Variants in NRG2 observed in about 807,000 individuals in gnomAD.
NRG2 encodes pro-neuregulin-2, membrane-bound isoform.
NRG2 carries 27 observed loss-of-function variants against 73.9 expected under a neutral mutation model. The observed-to-expected ratio is 0.37, with a 90% CI of 0.27 to 0.50. The LOEUF (loss-of-function observed/expected upper bound fraction) is 0.50. Ranked by LOEUF, NRG2 falls within the 20% of genes least tolerant of loss-of-function variation. The probability of loss-of-function intolerance (pLI) is 0.96; values close to 1 mark genes in which losing one functional copy is unlikely to be tolerated. For synonymous variants in NRG2, 532 were observed against 541.0 expected (o/e 0.98, Z 0.23); for missense variants, 1,126 against 1,210.1 (o/e 0.93, Z 1.03).
chr5:139,848,082 C>G lies in NRG2; in HGVS notation c.2388G>C (p.Leu796=), dbSNP rs1191376708. ...GALAAESTPF[L]GLRGAHDALR... is the part of the protein sequence containing the mutation. ...GCGCGTCGTGCGCCCCACGCAGGCC[C>G]AGGAAAGGTGTGCTCTCGGCCGCCA... Residue 796 remains leucine (L), a synonymous_variant, in exon 10 of 10, where the codon CTG becomes CTC. Transcript: ENST00000361474. 6.7e-7 allele frequency: 1 copy of G among 1,494,210 alleles called. No individual in the cohort carries two copies. Among genetic ancestry groups the G allele is most frequent in the African/African-American group, 1.5e-5 (1 of 68,558 alleles). The allele number at this position is 1,494,210 out of a possible 1,614,324, so 92.6% of individuals were successfully genotyped here.
chr5:139,937,080 G>A (rs1752905679), intron 1 of NRG2, among the ~76,000 whole-genome samples: 1 of 152,222 alleles, frequency 6.6e-6, no homozygotes, highest in Admixed American at 6.5e-5. Context: ...GGGATTGCAG[G>A]CGTGAGCCAC....
intron 1 of NRG2, among the ~76,000 whole-genome samples, chr5:139,921,873 G>A (rs1171412188): frequency 6.6e-6 from 1 of 151,930 alleles, no homozygotes. Context: ...ACCAGCCTGG[G>A]CAACAGAGCG....
In NRG2 at chr5:140,011,912, T is replaced by C. The variant is rs540625285; in HGVS notation, c.700+30458A>G. Among the ~76,000 whole-genome samples, 4 of 152,354 alleles carry C rather than the reference T, an allele frequency of 2.6e-5. No homozygotes were observed. In the South Asian group the frequency reaches 8.3e-4, roughly 32 times the overall value. On this transcript the variant is annotated intron_variant, in intron 1 of 9. Transcript: ENST00000361474. ...CATTAATCTATTAAACATTTCTTAA[T>C]ACTTTCTTCTCCCCTAGTCCATCTA...
intron 1 of NRG2, among the ~76,000 whole-genome samples, chr5:139,899,202 C>A (rs895656749): frequency 6.6e-6 from 1 of 152,196 alleles, no homozygotes; most frequent in African/African-American, 2.4e-5. Context: ...GGGCTCTGCT[C>A]CAGGAGGCTG....
chr5:139,873,790 A>G (rs1328227940), intron 3 of NRG2, among the ~76,000 whole-genome samples: 1 of 152,198 alleles, frequency 6.6e-6, no homozygotes, highest in East Asian at 1.9e-4. Flanking sequence ...AGCAGGGAGG[A>G]TGCTGGGTTG....
intron 1 of NRG2, among the ~76,000 whole-genome samples, chr5:140,041,805 C>T (rs1761941819): frequency 6.6e-6 from 1 of 152,082 alleles, no homozygotes. Context: ...AGAAAAAGTC[C>T]AACTCTGCCT....
At position 139,890,457 on chromosome 5, in the gene NRG2, C is replaced by CT. The variant is rs1320556469; in HGVS notation, c.701-2947dup. On this transcript the variant is annotated intron_variant, in intron 1 of 9. Transcript: ENST00000361474. ...CTTCTTCGTCTTTTTCTTTTCTTTT[C>CT]TTTCTTTCTTTCTTTCTTTTTTTTT... Among the ~76,000 whole-genome samples, 37 of 127,796 alleles carry CT rather than the reference C, an allele frequency of 2.9e-4. No individual in the cohort carries two copies. In the East Asian group the frequency reaches 4.0e-3, roughly 14 times the overall value. The allele number at this position is 127,796 out of a possible 152,430, so 83.8% of individuals were successfully genotyped here. A position where few individuals can be genotyped will look rare whatever the true frequency, so the allele number is the denominator to read the frequency against.
chr5:139,879,318 A>G (rs1215548057), intron 3 of NRG2, among the ~76,000 whole-genome samples: 2 of 152,138 alleles, frequency 1.3e-5, no homozygotes, highest in African/African-American at 4.8e-5. Context: ...AATTCAAGAG[A>G]TGCCATCAGA....
At chr5:139,861,132 C>T (rs192868675) in intron 5 of NRG2, among the ~76,000 whole-genome samples, 4 of 152,316 alleles carry the variant, frequency 2.6e-5, no homozygotes, top group African/African-American at 4.8e-5. Context: ...CTTGTCTGTC[C>T]AAAGTGCTTG....
At chr5:139,922,626 A>G (rs775685813) in intron 1 of NRG2, among the ~76,000 whole-genome samples, 34 of 152,238 alleles carry the variant, frequency 2.2e-4, no homozygotes, top group Non-Finnish European at 4.9e-4. Flanking sequence ...CTGAAAACTT[A>G]TATCCACAGA....
intron 1 of NRG2, among the ~76,000 whole-genome samples, chr5:139,913,519 T>G (rs1197601114): frequency 1.3e-5 from 2 of 152,160 alleles, no homozygotes; most frequent in Admixed American, 1.3e-4. Context: ...CCCTCTAGAC[T>G]CAGGGGCTCC....
At chr5:139,952,422 G>A (rs939616579) in intron 1 of NRG2, among the ~76,000 whole-genome samples, 8 of 152,186 alleles carry the variant, frequency 5.3e-5, no homozygotes, top group Middle Eastern at 6.3e-3. Context: ...TGCAGAGGGC[G>A]GCCTCAGCCT....
At position 139,970,862 on chromosome 5, in the gene NRG2, CTTAG is replaced by C. The variant is rs376989805; in HGVS notation, c.700+71504_700+71507del. Among the ~76,000 whole-genome samples, 25 of 152,330 alleles carry C rather than the reference CTTAG, an allele frequency of 1.6e-4. 2 individuals are homozygous for C. Among genetic ancestry groups the C allele is most frequent in the African/African-American group, 6.0e-4 (25 of 41,578 alleles). On this transcript the variant is annotated intron_variant, in intron 1 of 9. Coordinates refer to ENST00000361474, the MANE Select transcript of NRG2 (RefSeq NM_004883.3). ...GAATGTGTAAAACCTGCTGGGAATC[CTTAG>C]TTAGCACTATCCATGAAACCTTTCC...
chr5:139,910,217 G>T (rs938787741), intron 1 of NRG2, among the ~76,000 whole-genome samples: 11 of 152,188 alleles, frequency 7.2e-5, no homozygotes, highest in African/African-American at 2.7e-4. Context: ...TGTCTACCAA[G>T]AATCTGGATG....
At chr5:139,913,255 G>A (rs1042357018) in intron 1 of NRG2, among the ~76,000 whole-genome samples, 14 of 152,150 alleles carry the variant, frequency 9.2e-5, no homozygotes, top group Non-Finnish European at 2.9e-5. Context: ...TTGTGAATCT[G>A]CACTCACCCC....
At chr5:139,959,727 G>A (rs749739582) in intron 1 of NRG2, among the ~76,000 whole-genome samples, 85 of 151,962 alleles carry the variant, frequency 5.6e-4, no homozygotes, top group Non-Finnish European at 2.2e-4. Context: ...TGGCCAGGCT[G>A]GTCTCAAACA....
At chr5:139,859,318 C>T (rs1299950092) in intron 5 of NRG2, among the ~76,000 whole-genome samples, 2 of 152,060 alleles carry the variant, frequency 1.3e-5, no homozygotes, top group Non-Finnish European at 2.9e-5. Context: ...GTGACAGCCT[C>T]AAGCAGATGG....
rs756489667 is a variant in NRG2 at position 140,042,508 on chromosome 5, G to A, written c.562C>T (p.Leu188Phe). Residue 188 changes from leucine to phenylalanine, a missense_variant, in exon 1 of 10, where the codon CTC (leucine) becomes TTC (phenylalanine). Leu to Phe is a conservative substitution (Grantham distance 22). This residue lies in a region of NRG2 where 539 missense variants were observed against 703.2 expected (regional missense o/e 0.77). Transcript: ENST00000361474. Reference protein sequence around the residue: ...QVISVGSCVPLERNQRYIFFL... With the variant: ...QVISVGSCVPFERNQRYIFFL... The stretch of plus-strand genomic sequence containing the variant: ...AAGATGTAGCGCTGGTTCCTTTCGA[G>A]CGGCACACAGGAGCCCACGCTGATC... The A allele has an allele frequency of 6.2e-7, 1 of 1,613,684 alleles. No individual in the cohort carries two copies. The highest frequency in any genetic ancestry group is 8.5e-7 in the Non-Finnish European group (1 of 1,179,930).
At chr5:139,899,077 G>A (rs1048078345) in intron 1 of NRG2, among the ~76,000 whole-genome samples, 9 of 152,262 alleles carry the variant, frequency 5.9e-5, no homozygotes, top group South Asian at 4.1e-4. Context: ...AGGTCTGTTC[G>A]TGTCTATCTC....
Sources: gnomAD v4.1 joint callset for allele counts (sites outside exome capture counted in the v4.1 genomes callset) on GRCh38, gnomAD v4.1.1 for gene constraint, gnomAD v4.1.1 regional missense constraint, MANE v1.5 for transcripts, NCBI Gene and HGNC (gene_info 2026-07-23, HGNC 2026-07-21) for gene names.